Variants in NSMCE2 observed in about 807,000 individuals in gnomAD.
NSMCE2 encodes the protein NSE2 SUMO ligase component of SMC5/6 complex, also known as E3 SUMO-protein ligase NSE2.
Under a neutral mutation model 23.8 loss-of-function variants are expected in NSMCE2, and 24 were observed. The observed-to-expected ratio is 1.01, with a 90% confidence interval of 0.73 to 1.42. The LOEUF (loss-of-function observed/expected upper bound fraction) is 1.42. NSMCE2 is among the 40% of genes most tolerant of loss of function. The pLI is 0.00. For missense variants in NSMCE2, 284 were observed against 296.5 expected (o/e 0.96, Z 0.31); for synonymous variants, 92 against 94.1 (o/e 0.98, Z 0.13).
chr8:125,307,847 T>A (rs1009861089), intron 5 of NSMCE2, among the ~76,000 whole-genome samples: 3 of 152,234 alleles, frequency 2.0e-5, no homozygotes, highest in Non-Finnish European at 4.4e-5. Context: ...ACACCAGCAC[T>A]GTGAGCTGGA....
intron 5 of NSMCE2, among the ~76,000 whole-genome samples, chr8:125,339,987 G>T (rs1830179922): frequency 1.3e-5 from 2 of 150,412 alleles, no homozygotes; most frequent in Admixed American, 1.3e-4. Context: ...GAAACCATAA[G>T]CCTCCGACGT....
At chr8:125,182,417 AT>A in intron 5 of NSMCE2, 161 bp downstream of exon 5, 1 of 689,264 alleles carries the variant, frequency 1.5e-6, no homozygotes, top group South Asian at 1.8e-5. Context: ...ATTTTGTCTA[AT>A]TTTTGGTTCA....
chr8:125,320,245 G>A (rs1482625760), intron 5 of NSMCE2, among the ~76,000 whole-genome samples: 26 of 61,094 alleles, frequency 4.3e-4, no homozygotes, highest in East Asian at 1.1e-3. Context: ...GGGAGGGAGG[G>A]AGGGAGGGAA....
chr8:125,334,414 G>A (rs1586785996), intron 5 of NSMCE2, among the ~76,000 whole-genome samples: 3 of 152,254 alleles, frequency 2.0e-5, no homozygotes, highest in East Asian at 1.9e-4. Flanking sequence ...AACAGAACAG[G>A]GGATCCATGA....
At chr8:125,166,575 A>AT (rs918906752) in intron 4 of NSMCE2, among the ~76,000 whole-genome samples, 5 of 152,122 alleles carry the variant, frequency 3.3e-5, no homozygotes, top group African/African-American at 7.2e-5. Context: ...CCCTAAATAG[A>AT]TTTTTTAAAA....
At chr8:125,280,436 TTC>T (rs1169203832) in intron 5 of NSMCE2, among the ~76,000 whole-genome samples, 1 of 152,256 alleles carries the variant, frequency 6.6e-6, no homozygotes, top group East Asian at 1.9e-4. Flanking sequence ...GCCTATTACA[TTC>T]TTTTATTAAA....
At chr8:125,283,531 G>C (rs985008160) in intron 5 of NSMCE2, among the ~76,000 whole-genome samples, 19 of 152,072 alleles carry the variant, frequency 1.2e-4, no homozygotes, top group Non-Finnish European at 7.4e-5. Flanking sequence ...AATTAAAAAA[G>C]AATCAAGAGA....
chr8:125,336,943 C>A (rs1387829610), intron 5 of NSMCE2, among the ~76,000 whole-genome samples: 1 of 152,250 alleles, frequency 6.6e-6, no homozygotes, highest in Non-Finnish European at 1.5e-5. Context: ...TCTCCTCCAG[C>A]TAACACTGTG....
intron 3 of NSMCE2, among the ~76,000 whole-genome samples, chr8:125,142,003 C>A (rs536135669): frequency 6.6e-6 from 1 of 152,160 alleles, no homozygotes; most frequent in Non-Finnish European, 1.5e-5. Flanking sequence ...TTCAGTTTCA[C>A]GCTTTAGAAG....
intron 5 of NSMCE2, among the ~76,000 whole-genome samples, chr8:125,318,357 C>T (rs1427009993): frequency 1.3e-5 from 2 of 152,088 alleles, no homozygotes; most frequent in Admixed American, 6.5e-5. Context: ...AAGCCAAGAT[C>T]GCGCCACTGC....
intron 5 of NSMCE2, among the ~76,000 whole-genome samples, chr8:125,268,310 G>A (rs1003927393): frequency 6.6e-6 from 1 of 152,058 alleles, no homozygotes; most frequent in African/African-American, 2.4e-5. Context: ...GGAAAGTTGT[G>A]ACGTATGTGG....
intron 3 of NSMCE2, among the ~76,000 whole-genome samples, chr8:125,128,215 G>A (rs1819601064): frequency 6.6e-6 from 1 of 152,116 alleles, no homozygotes; most frequent in South Asian, 2.1e-4. Flanking sequence ...ATAGGAATAG[G>A]ATAATTTTAT....
chr8:125,103,934 A>G (rs113217937), intron 3 of NSMCE2, among the ~76,000 whole-genome samples: 1 of 147,492 alleles, frequency 6.8e-6, no homozygotes, highest in Non-Finnish European at 1.5e-5. Context: ...ATATCCTTGT[A>G]TGTTAATTCT....
chr8:125,354,152 G>A (rs1471032785), intron 5 of NSMCE2, among the ~76,000 whole-genome samples: 51 of 151,824 alleles, frequency 3.4e-4, no homozygotes, highest in Non-Finnish European at 1.8e-4. Context: ...GGCTGGTCTC[G>A]AACTCCTGAC....
intron 3 of NSMCE2, among the ~76,000 whole-genome samples, chr8:125,146,148 C>T (rs534108195): frequency 7.2e-5 from 11 of 152,138 alleles, no homozygotes; most frequent in East Asian, 1.9e-4. Flanking sequence ...AGATTGCCAA[C>T]GGAGCTGAGC....
intron 5 of NSMCE2, among the ~76,000 whole-genome samples, chr8:125,295,440 T>G (rs1038298581): frequency 2.6e-5 from 4 of 152,192 alleles, no homozygotes; most frequent in African/African-American, 9.7e-5. Context: ...AGAGAAGTGC[T>G]TAGGATTTCT....
At chr8:125,125,737 CAGG>C (rs1819487085) in intron 3 of NSMCE2, among the ~76,000 whole-genome samples, 2 of 152,184 alleles carry the variant, frequency 1.3e-5, no homozygotes, top group South Asian at 4.1e-4. Flanking sequence ...CACAGTGTGG[CAGG>C]ATGTTGGCAG....
chr8:125,272,138 C>CGAGTAGCTG (rs1259021877), intron 5 of NSMCE2, among the ~76,000 whole-genome samples: 5 of 151,814 alleles, frequency 3.3e-5, no homozygotes, highest in South Asian at 2.1e-4. Context: ...CTCAGCCTCC[C>CGAGTAGCTG]GAGTAGCTGG....
At chr8:125,278,699 T>C (rs1466726964) in intron 5 of NSMCE2, among the ~76,000 whole-genome samples, 1 of 152,204 alleles carries the variant, frequency 6.6e-6, no homozygotes, top group Non-Finnish European at 1.5e-5. Flanking sequence ...TTTTTCTTTC[T>C]TTTTGTCTTT....
Sources: gnomAD v4.1 joint callset for allele counts (sites outside exome capture counted in the v4.1 genomes callset) on GRCh38, gnomAD v4.1.1 for gene constraint, MANE v1.5 for transcripts, NCBI Gene and HGNC (gene_info 2026-07-23, HGNC 2026-07-21) for gene names.